The following LRP1B variants were observed in gnomAD, a reference collection of about 807,000 sequenced individuals.
LRP1B encodes the protein low-density lipoprotein receptor-related protein 1B.
LRP1B carries 217 observed loss-of-function variants against 556.6 expected under a neutral mutation model. The observed-to-expected ratio is 0.39, with a 90% CI of 0.35 to 0.44. The LOEUF (loss-of-function observed/expected upper bound fraction) is 0.44, where lower values mean the gene tolerates loss of function less well. LRP1B is among the 20% of genes least tolerant of loss of function. The pLI is 1.00. For synonymous variants in LRP1B, 2,047 were observed against 1,865.8 expected, an observed-to-expected ratio of 1.10 and a Z score of -2.50; for missense variants, 5,053 against 5,620.8, an observed-to-expected ratio of 0.90 and a Z score of 3.23.
chr2:141,921,856 A>G (rs1004468625), intron 1 of LRP1B, among the ~76,000 whole-genome samples: 6 of 152,116 alleles, frequency 3.9e-5, no homozygotes, highest in Non-Finnish European at 1.5e-5. Context: ...ATTACAGGAA[A>G]ATAAGGAAAT....
intron 3 of LRP1B, among the ~76,000 whole-genome samples, chr2:141,354,838 A>T (rs964391575): frequency 6.6e-6 from 1 of 152,262 alleles, no homozygotes; most frequent in South Asian, 2.1e-4. Flanking sequence ...TCTTAAAAAA[A>T]CTTGTCATTT....
intron 41 of LRP1B, among the ~76,000 whole-genome samples, chr2:140,614,069 T>C (rs756996925): frequency 1.1e-4 from 16 of 152,030 alleles, no homozygotes; most frequent in Admixed American, 2.0e-4. Flanking sequence ...GCTGGCCTAA[T>C]TGCCTTTACC....
chr2:140,315,902 T>C, intron 82 of LRP1B, among the ~76,000 whole-genome samples: 1 of 152,146 alleles, frequency 6.6e-6, no homozygotes, highest in Admixed American at 6.6e-5. Flanking sequence ...TGAGATTTGG[T>C]ACAAGTTGGT....
chr2:140,763,486 T>A (rs1688999928), intron 35 of LRP1B, among the ~76,000 whole-genome samples: 1 of 152,150 alleles, frequency 6.6e-6, no homozygotes, highest in African/African-American at 2.4e-5. Context: ...TGAGGGGTGC[T>A]GAGTGCCTGA....
chr2:141,887,519 GA>G (rs1254661032), intron 1 of LRP1B, among the ~76,000 whole-genome samples: 1 of 151,514 alleles, frequency 6.6e-6, no homozygotes, highest in Admixed American at 6.6e-5. Flanking sequence ...ATCATTTTTT[GA>G]AAAAAATGAG....
chr2:141,112,048 AAATAAATAAATAAATAAATAAAT>A (rs1464720337), intron 7 of LRP1B, among the ~76,000 whole-genome samples: 1 of 70,880 alleles, frequency 1.4e-5, no homozygotes, highest in Non-Finnish European at 2.7e-5. Context: ...CCTGCCTCAA[AAATAAATAAATAAATAAATAAAT>A]AATAAATAAA....
At chr2:141,752,945 G>GAAAAAAAAAAAAAAAACAAAA (rs70994450) in intron 2 of LRP1B, among the ~76,000 whole-genome samples, 1 of 28,210 alleles carries the variant, frequency 3.5e-5, no homozygotes, top group Non-Finnish European at 7.4e-5. Flanking sequence ...CCCTGTCTCA[G>GAAAAAAAAAAAAAAAACAAAA]AAAAAAAAAA....
At chr2:141,661,269 T>TCTC (rs1327976365) in intron 2 of LRP1B, among the ~76,000 whole-genome samples, 2 of 152,096 alleles carry the variant, frequency 1.3e-5, no homozygotes, top group East Asian at 3.9e-4. Flanking sequence ...GAGTGCCTCT[T>TCTC]CTCCTCCAAA....
At chr2:141,834,225 G>T (rs1283148499) in intron 1 of LRP1B, among the ~76,000 whole-genome samples, 1 of 151,856 alleles carries the variant, frequency 6.6e-6, no homozygotes, top group Non-Finnish European at 1.5e-5. Context: ...TTAAAACAAT[G>T]TTTTAAAGAA....
At chr2:141,579,234 T>G (rs961714051) in intron 2 of LRP1B, among the ~76,000 whole-genome samples, 7 of 152,024 alleles carry the variant, frequency 4.6e-5, no homozygotes, top group African/African-American at 1.4e-4. Flanking sequence ...CTCATTGAAA[T>G]TGAGGCAGTT....
At chr2:140,769,370 G>C in intron 34 of LRP1B, 26 bp from the exon 35 acceptor site, 1 of 1,570,494 alleles carries the variant, frequency 6.4e-7, no homozygotes, top group Non-Finnish European at 8.6e-7. Context: ...GAGATAAGGG[G>C]GGGAAGGGAA....
At position 141,123,757 on chromosome 2, in the gene LRP1B, T is replaced by C. The variant is rs117807480; in HGVS notation, c.1014-61484A>G. ...TTCTCACGTTTTTGACATAGCCAAC[T>C]ACTTCTCTTTACTCACGATTTCCTA... On this transcript the variant is annotated intron_variant, in intron 7 of 90. Transcript: ENST00000389484. Among the ~76,000 whole-genome samples the C allele has an allele frequency of 8.9e-4, 135 of 152,284 alleles. No individual in the cohort carries two copies. The East Asian group carries it at 0.025, about 28-fold the overall frequency.
At chr2:141,937,213 T>C (rs1346197189) in intron 1 of LRP1B, among the ~76,000 whole-genome samples, 4 of 151,594 alleles carry the variant, frequency 2.6e-5, no homozygotes, top group African/African-American at 4.8e-5. Flanking sequence ...CCATCTCTAA[T>C]AAAAATACAA....
rs552789472 is a variant in LRP1B, at chr2:140,956,351, C to T, written c.2888-4411G>A. 7.9e-5 allele frequency among the ~76,000 whole-genome samples: 12 copies of T among 151,710 alleles called. No homozygotes were observed. In the East Asian group the frequency reaches 2.3e-3, roughly 29 times the overall value. On this transcript the variant is annotated intron_variant, in intron 18 of 90. Coordinates refer to ENST00000389484, the MANE Select transcript of LRP1B (RefSeq NM_018557.3). Reference sequence around the variant, plus strand: ...TTTTCACTATACCATGCTGATTATACTAATACTTTTGAAAGAGTATTTATA... The same window carrying T: ...TTTTCACTATACCATGCTGATTATATTAATACTTTTGAAAGAGTATTTATA...
chr2:140,478,071 C>T (rs759969748), intron 59 of LRP1B, among the ~76,000 whole-genome samples: 38 of 151,454 alleles, frequency 2.5e-4, no homozygotes, highest in Non-Finnish European at 5.6e-4. Context: ...CTTATCTTCA[C>T]AACCACCTTA....
In LRP1B at chr2:140,429,736, CCAAA is replaced by C. The variant is rs34575866; in HGVS notation, c.10414+12764_10414+12767del. Among the ~76,000 whole-genome samples, 603 of 152,274 alleles carry C rather than the reference CCAAA, an allele frequency of 4.0e-3. 4 individuals carry two copies. Among genetic ancestry groups the C allele is most frequent in the African/African-American group, 0.014 (563 of 41,554 alleles). On this transcript the variant is annotated intron_variant, in intron 66 of 90. Coordinates refer to ENST00000389484, the MANE Select transcript of LRP1B (RefSeq NM_018557.3). The stretch of plus-strand genomic sequence containing the variant: ...GGACTGCACCCTGTAGCCTTTCTGT[CCAAA>C]CAACTTGACCTTACTGTTTTAGGCT...
chr2:141,417,758 A>ATT lies in LRP1B; in HGVS notation c.343+62636_343+62637dup, dbSNP rs56660575. Among the ~76,000 whole-genome samples, 526 of 136,340 alleles carry ATT rather than the reference A, an allele frequency of 3.9e-3. 5 individuals carry two copies. Among genetic ancestry groups the ATT allele is most frequent in the Middle Eastern group, 0.012 (3 of 244 alleles). 89.4% of individuals were successfully genotyped at this position (136,340 alleles called of 152,430 possible). A position where few individuals can be genotyped will look rare whatever the true frequency, so the allele number is the denominator to read the frequency against. On this transcript the variant is annotated intron_variant, in intron 3 of 90. Transcript: ENST00000389484. ...TATTGCTGCATCATATGGTAGTTCT[A>ATT]TTTTTTTTTTTTTTTTTTTACAAAT...
intron 66 of LRP1B, among the ~76,000 whole-genome samples, chr2:140,429,416 C>T (rs1460382418): frequency 6.6e-6 from 1 of 152,094 alleles, no homozygotes; most frequent in Non-Finnish European, 1.5e-5. Context: ...TTCCTTTGCA[C>T]CCTTCATCCC....
At chr2:140,297,760 G>A (rs999517722) in intron 84 of LRP1B, 48 bp downstream of exon 84, 2 of 1,536,620 alleles carry the variant, frequency 1.3e-6, no homozygotes. Context: ...GAAATCAGAA[G>A]ATTAACATAA....
Sources: allele counts gnomAD v4.1 joint callset (sites outside exome capture counted in the v4.1 genomes callset), GRCh38; gene constraint gnomAD v4.1.1; transcripts MANE v1.5; gene names NCBI Gene and HGNC (gene_info 2026-07-23, HGNC 2026-07-21).